Variants in C10orf90 observed in about 807,000 individuals in gnomAD.
C10orf90 encodes (E2-independent) E3 ubiquitin-conjugating enzyme FATS.
In C10orf90, 56 loss-of-function variants were observed where a neutral mutation model predicts 62.5. That is an observed-to-expected ratio of 0.90 (90% CI 0.72 to 1.12). The LOEUF (loss-of-function observed/expected upper bound fraction) is 1.12. Among genes scored for constraint, C10orf90 ranks in the 50% most tolerant of loss-of-function variants. C10orf90 has a pLI of 0.00. For missense variants in C10orf90, 970 were observed against 880.4 expected, an observed-to-expected ratio of 1.10 and a Z score of -1.29; for synonymous variants, 386 against 340.4, an observed-to-expected ratio of 1.13 and a Z score of -1.47.
At chr10:126,635,362 G>A (rs1845929643) in intron 2 of C10orf90, among the ~76,000 whole-genome samples, 1 of 152,152 alleles carries the variant, frequency 6.6e-6, no homozygotes, top group South Asian at 2.1e-4. Flanking sequence ...CATGGGGGGT[G>A]CGGGGAGAAG....
chr10:126,548,083 A>C (rs1188861278), intron 2 of C10orf90, among the ~76,000 whole-genome samples: 2 of 152,224 alleles, frequency 1.3e-5, no homozygotes. Context: ...CTACACCAAG[A>C]CACATCATAA....
chr10:126,517,521 T>C (rs1863501401), intron 2 of C10orf90, among the ~76,000 whole-genome samples: 1 of 152,136 alleles, frequency 6.6e-6, no homozygotes, highest in South Asian at 2.1e-4. Flanking sequence ...AACTGCCCCA[T>C]ACCCCAGCTA....
intron 2 of C10orf90, among the ~76,000 whole-genome samples, chr10:126,534,861 G>T (rs559657376): frequency 1.3e-5 from 2 of 152,086 alleles, no homozygotes; most frequent in African/African-American, 4.8e-5. Context: ...CTCTGCACTC[G>T]CATTTGTTTC....
intron 4 of C10orf90, among the ~76,000 whole-genome samples, chr10:126,482,641 T>C (rs192524759): frequency 1.1e-4 from 17 of 152,334 alleles, no homozygotes; most frequent in Admixed American, 5.2e-4. Context: ...GTAGCCCTTA[T>C]GACTTTTCCC....
intron 8 of C10orf90, among the ~76,000 whole-genome samples, chr10:126,428,058 A>G (rs1342830276): frequency 6.6e-6 from 1 of 152,198 alleles, no homozygotes; most frequent in African/African-American, 2.4e-5. Context: ...CACTCTGCAG[A>G]CAGTCAAAAC....
At chr10:126,558,701 C>T (rs1290072909) in intron 2 of C10orf90, among the ~76,000 whole-genome samples, 1 of 152,204 alleles carries the variant, frequency 6.6e-6, no homozygotes, top group African/African-American at 2.4e-5. Flanking sequence ...GTCAAACTCA[C>T]ACTGTTGGAA....
chr10:126,462,913 T>C (rs1860077887), intron 5 of C10orf90, among the ~76,000 whole-genome samples: 2 of 151,954 alleles, frequency 1.3e-5, no homozygotes, highest in Non-Finnish European at 2.9e-5. Flanking sequence ...CGCTTTGGAG[T>C]CTCTACCAAC....
chr10:126,637,492 G>A (rs745695136), intron 2 of C10orf90, among the ~76,000 whole-genome samples: 11 of 152,250 alleles, frequency 7.2e-5, no homozygotes, highest in Admixed American at 7.2e-4. Context: ...GGTTTGGATG[G>A]AGGAGCAAGT....
chr10:126,612,268 C>A (rs997630494), intron 2 of C10orf90, among the ~76,000 whole-genome samples: 3 of 152,036 alleles, frequency 2.0e-5, no homozygotes, highest in Non-Finnish European at 4.4e-5. Context: ...TTGCAGTGAG[C>A]CGAGATCACA....
chr10:126,469,589 T>C (rs1412889077), intron 4 of C10orf90, among the ~76,000 whole-genome samples: 1 of 152,152 alleles, frequency 6.6e-6, no homozygotes, highest in African/African-American at 2.4e-5. Flanking sequence ...AACATAAACA[T>C]CAATTTCTCA....
intron 7 of C10orf90, among the ~76,000 whole-genome samples, chr10:126,449,826 G>T (rs778782278): frequency 3.3e-5 from 5 of 151,936 alleles, no homozygotes; most frequent in Non-Finnish European, 7.4e-5. Context: ...GTGAAACCCT[G>T]TCTCTACTAA....
intron 2 of C10orf90, among the ~76,000 whole-genome samples, chr10:126,572,354 G>A: frequency 6.6e-6 from 1 of 152,132 alleles, no homozygotes; most frequent in Admixed American, 6.5e-5. Flanking sequence ...CGAGTCCACA[G>A]TGCAAAGTGA....
intron 7 of C10orf90, among the ~76,000 whole-genome samples, chr10:126,441,912 A>G (rs1281228800): frequency 2.6e-4 from 40 of 152,220 alleles, no homozygotes; most frequent in Admixed American, 2.6e-3. Context: ...TCCTGGAAAC[A>G]CATCAAAACA....
intron 4 of C10orf90, among the ~76,000 whole-genome samples, chr10:126,503,705 A>G (rs1862532610): frequency 6.6e-6 from 1 of 152,144 alleles, no homozygotes. Flanking sequence ...CTCATTACAT[A>G]TGGTCTGGAA....
At chr10:126,632,171 C>A (rs998058875) in intron 2 of C10orf90, among the ~76,000 whole-genome samples, 3 of 152,034 alleles carry the variant, frequency 2.0e-5, no homozygotes, top group Non-Finnish European at 2.9e-5. Flanking sequence ...GACCTTGAGG[C>A]CTTTCCACCC....
chr10:126,551,937 A>G (rs1864643248), intron 2 of C10orf90, among the ~76,000 whole-genome samples: 1 of 152,214 alleles, frequency 6.6e-6, no homozygotes, highest in Non-Finnish European at 1.5e-5. Flanking sequence ...TTTCCAGGGC[A>G]TTTCAAGTTA....
chr10:126,628,127 G>A (rs774174864), intron 2 of C10orf90, among the ~76,000 whole-genome samples: 2 of 152,308 alleles, frequency 1.3e-5, no homozygotes, highest in Non-Finnish European at 1.5e-5. Flanking sequence ...GCAGGGAAGA[G>A]GCCTGGATTC....
intron 2 of C10orf90, among the ~76,000 whole-genome samples, chr10:126,608,546 T>A (rs1310138324): frequency 6.6e-6 from 1 of 152,192 alleles, no homozygotes; most frequent in Non-Finnish European, 1.5e-5. Context: ...CAAGGAACAA[T>A]ATCCACAATT....
intron 7 of C10orf90, among the ~76,000 whole-genome samples, chr10:126,454,183 C>A (rs1002329796): frequency 6.6e-6 from 1 of 152,010 alleles, no homozygotes; most frequent in Non-Finnish European, 1.5e-5. Flanking sequence ...TTACTGCCTG[C>A]AGTGGCTCTG....
Sources: allele counts gnomAD v4.1 joint callset (sites outside exome capture counted in the v4.1 genomes callset), GRCh38; gene constraint gnomAD v4.1.1; transcripts MANE v1.5; gene names NCBI Gene and HGNC (gene_info 2026-07-23, HGNC 2026-07-21).